Variants in PLPP4 observed in about 807,000 individuals in gnomAD.
PLPP4 encodes diacylglycerol pyrophosphate like 2.
Under a neutral mutation model 32.2 loss-of-function variants are expected in PLPP4, and 20 were observed. The observed-to-expected ratio is 0.62, with a 90% confidence interval of 0.44 to 0.90. PLPP4 has a LOEUF of 0.90. Among genes scored for constraint, PLPP4 ranks in the 40% least tolerant of loss-of-function variants. PLPP4 has a pLI of 0.00. For synonymous variants in PLPP4, 127 were observed against 133.0 expected, an observed-to-expected ratio of 0.95 and a Z score of 0.31; for missense variants, 257 against 353.1, an observed-to-expected ratio of 0.73 and a Z score of 2.18.
At chr10:120,463,767 C>T (rs1848183602) in intron 1 of PLPP4, among the ~76,000 whole-genome samples, 1 of 152,100 alleles carries the variant, frequency 6.6e-6, no homozygotes, top group South Asian at 2.1e-4. Flanking sequence ...CTATTCTCCT[C>T]AGCTCCAGCC....
At chr10:120,588,308 A>C (rs1445663433) in intron 6 of PLPP4, among the ~76,000 whole-genome samples, 1 of 152,214 alleles carries the variant, frequency 6.6e-6, no homozygotes, top group Non-Finnish European at 1.5e-5. Context: ...TCTCTTTGGC[A>C]GGGGGCTGCC....
At chr10:120,522,776 CA>C (rs1353692004) in intron 5 of PLPP4, among the ~76,000 whole-genome samples, 3 of 151,940 alleles carry the variant, frequency 2.0e-5, no homozygotes, top group Non-Finnish European at 2.9e-5. Flanking sequence ...GCTGTCATCA[CA>C]AAAAAATAAA....
In PLPP4 at chr10:120,591,616, TA is replaced by T. The variant is rs11320192; in HGVS notation, c.*2125del. 0.36 allele frequency among the ~76,000 whole-genome samples: 52,778 copies of T among 148,478 alleles called. 9,406 individuals are homozygous for T. The highest frequency in any genetic ancestry group is 0.46 in the South Asian group (2,165 of 4,702). ...TAGGAAAAAGATCCTTTGCTACTGT[TA>T]AAAAAAAAAACCCCATCCTGATGTG... On this transcript the variant is annotated 3_prime_UTR_variant, in exon 7 of 7. Coordinates refer to ENST00000398250, the MANE Select transcript of PLPP4 (RefSeq NM_001030059.3).
chr10:120,563,581 A>G (rs1446818556), intron 5 of PLPP4, among the ~76,000 whole-genome samples: 1 of 150,876 alleles, frequency 6.6e-6, no homozygotes, highest in Non-Finnish European at 1.5e-5. Context: ...CGGGTGGATC[A>G]TGAGGTCAGG....
At chr10:120,487,022 C>T (rs141792912) in intron 1 of PLPP4, among the ~76,000 whole-genome samples, 2 of 152,220 alleles carry the variant, frequency 1.3e-5, no homozygotes, top group Admixed American at 6.5e-5. Flanking sequence ...CAAGTAATTG[C>T]AGAATGAGAT....
At chr10:120,571,093 C>CGTGTGTGTGTGTGT (rs60011757) in intron 5 of PLPP4, among the ~76,000 whole-genome samples, 191 of 144,658 alleles carry the variant, frequency 1.3e-3, no homozygotes, top group African/African-American at 4.2e-3. Context: ...AGTAAAGGGG[C>CGTGTGTGTGTGTGT]GTGTGTGTGT....
intron 5 of PLPP4, among the ~76,000 whole-genome samples, chr10:120,537,591 T>C (rs184987547): frequency 6.6e-6 from 1 of 152,172 alleles, no homozygotes; most frequent in Non-Finnish European, 1.5e-5. Flanking sequence ...ACTTATAAGA[T>C]GAATAAATTC....
chr10:120,550,256 T>C (rs528809636), intron 5 of PLPP4, among the ~76,000 whole-genome samples: 300 of 152,048 alleles, frequency 2.0e-3, no homozygotes, highest in Non-Finnish European at 2.6e-3. Flanking sequence ...GAAACCTATA[T>C]TTTTCAAACT....
chr10:120,520,025 G>C (rs1846086442), intron 4 of PLPP4, among the ~76,000 whole-genome samples: 1 of 152,156 alleles, frequency 6.6e-6, no homozygotes, highest in Non-Finnish European at 1.5e-5. Flanking sequence ...CTTCATTTTT[G>C]CACCTGTAAA....
chr10:120,585,730 C>T (rs1170425439), intron 6 of PLPP4, among the ~76,000 whole-genome samples: 1 of 152,166 alleles, frequency 6.6e-6, no homozygotes, highest in African/African-American at 2.4e-5. Context: ...ATTCTTGGAT[C>T]GGGGGTGAGG....
intron 1 of PLPP4, among the ~76,000 whole-genome samples, chr10:120,497,195 A>G (rs1020252623): frequency 6.6e-6 from 1 of 152,178 alleles, no homozygotes; most frequent in Non-Finnish European, 1.5e-5. Flanking sequence ...TGAAAGAGCC[A>G]CTGGCAGCCA....
At chr10:120,580,662 C>CAT (rs142261198) in intron 6 of PLPP4, among the ~76,000 whole-genome samples, 3 of 142,082 alleles carry the variant, frequency 2.1e-5, no homozygotes, top group African/African-American at 7.8e-5. Flanking sequence ...CACACACACA[C>CAT]ACACACACAC....
intron 5 of PLPP4, among the ~76,000 whole-genome samples, chr10:120,562,960 C>G (rs1848501748): frequency 6.6e-6 from 1 of 152,122 alleles, no homozygotes; most frequent in African/African-American, 2.4e-5. Flanking sequence ...ACATTTCAGG[C>G]TGGGCATGGT....
At chr10:120,556,930 G>T (rs1848189022) in intron 5 of PLPP4, among the ~76,000 whole-genome samples, 1 of 151,564 alleles carries the variant, frequency 6.6e-6, no homozygotes, top group Non-Finnish European at 1.5e-5. Context: ...TAATACTTAG[G>T]TTAAGATGTT....
intron 1 of PLPP4, among the ~76,000 whole-genome samples, chr10:120,479,401 A>T (rs760141306): frequency 6.6e-6 from 1 of 152,238 alleles, no homozygotes; most frequent in Non-Finnish European, 1.5e-5. Context: ...TAGAAAAACT[A>T]TCACTGAGCA....
intron 5 of PLPP4, among the ~76,000 whole-genome samples, chr10:120,570,956 C>A (rs1347126636): frequency 1.3e-5 from 2 of 152,132 alleles, no homozygotes; most frequent in Non-Finnish European, 2.9e-5. Context: ...TTCCTACTCA[C>A]AGACAGATCA....
chr10:120,495,122 G>T (rs988818062), intron 1 of PLPP4, among the ~76,000 whole-genome samples: 1 of 152,178 alleles, frequency 6.6e-6, no homozygotes, highest in African/African-American at 2.4e-5. Context: ...ACATCTTGTA[G>T]CTTCAGTGCA....
At chr10:120,463,063 A>G (rs1363510590) in intron 1 of PLPP4, among the ~76,000 whole-genome samples, 1 of 118,498 alleles carries the variant, frequency 8.4e-6, no homozygotes, top group Non-Finnish European at 1.6e-5. Flanking sequence ...TCACTCTGTC[A>G]CCCAGCCTGG....
chr10:120,464,194 G>C (rs141927786), intron 1 of PLPP4, among the ~76,000 whole-genome samples: 2 of 152,266 alleles, frequency 1.3e-5, no homozygotes, highest in East Asian at 3.9e-4. Context: ...TGTTCAATGG[G>C]AATGTCCGTC....
Sources: allele counts gnomAD v4.1 joint callset (sites outside exome capture counted in the v4.1 genomes callset), GRCh38; gene constraint gnomAD v4.1.1; transcripts MANE v1.5; gene names NCBI Gene and HGNC (gene_info 2026-07-23, HGNC 2026-07-21).